TMEM170B: variants seen among roughly 807,000 people sequenced by gnomAD.
The protein encoded by TMEM170B is transmembrane protein 170B.
TMEM170B carries 6 observed loss-of-function variants against 13.0 expected under a neutral mutation model. That is an observed-to-expected ratio of 0.46 (90% confidence interval 0.25 to 0.91). The LOEUF is 0.91. Among genes scored for constraint, TMEM170B ranks in the 40% least tolerant of loss-of-function variants. The probability of loss-of-function intolerance (pLI) is 0.17; values close to 1 mark genes in which losing one functional copy is unlikely to be tolerated. For synonymous variants in TMEM170B, 61 were observed against 64.9 expected, an observed-to-expected ratio of 0.94 and a Z score of 0.29; for missense variants, 138 against 165.2, an observed-to-expected ratio of 0.84 and a Z score of 0.90.
intron 1 of TMEM170B, among the ~76,000 whole-genome samples, chr6:11,544,781 TC>T (rs770299566): frequency 3.9e-5 from 6 of 152,206 alleles, no homozygotes; most frequent in Non-Finnish European, 8.8e-5. Context: ...TTTAACTGTG[TC>T]AGTTATATGC....
In TMEM170B at chr6:11,566,590, C is replaced by G. The variant is rs6916829; in HGVS notation, c.268+754C>G. Among the ~76,000 whole-genome samples the G allele has an allele frequency of 3.3e-5, 5 of 152,246 alleles. No individual in the cohort carries two copies. In the East Asian group the frequency reaches 9.6e-4, roughly 29 times the overall value. On this transcript the variant is annotated intron_variant, in intron 2 of 2. Transcript: ENST00000379426. ...GAGGGGTGTAAGACAGAAAAAGACA[C>G]CAAGGCAAGCTTCAGAGCAGGAGTG...
chr6:11,559,112 A>G (rs1481729886), intron 1 of TMEM170B, among the ~76,000 whole-genome samples: 1 of 151,918 alleles, frequency 6.6e-6, no homozygotes, highest in Non-Finnish European at 1.5e-5. Flanking sequence ...TTCCAATAAA[A>G]CTTTATGAAC....
chr6:11,537,925 C>G lies in TMEM170B; in HGVS notation c.-353C>G, dbSNP rs1448466145. ...CGTGACCTCGGCCTCCTCGCGTGTC[C>G]AGTCCCCGCGGCGCGGCGCTGCCCC... On this transcript the variant is annotated 5_prime_UTR_variant, in exon 1 of 3. Transcript: ENST00000379426. Among the ~76,000 whole-genome samples the G allele has an allele frequency of 2.0e-5, 3 of 151,698 alleles. No homozygotes were observed. The highest frequency in any genetic ancestry group is 7.3e-5 in the African/African-American group (3 of 41,366).
intron 1 of TMEM170B, among the ~76,000 whole-genome samples, chr6:11,560,582 TAA>T (rs11404962): frequency 1.3e-3 from 171 of 135,658 alleles, no homozygotes; most frequent in African/African-American, 4.1e-3. Context: ...TGCTATCTCT[TAA>T]AAAAAAAAAA....
chr6:11,556,311 A>G (rs575347051), intron 1 of TMEM170B, among the ~76,000 whole-genome samples: 107 of 152,136 alleles, frequency 7.0e-4, no homozygotes, highest in Non-Finnish European at 2.6e-4. Flanking sequence ...CCTTCAGTGC[A>G]CTGCACGCTT....
At position 11,545,264 on chromosome 6, in the gene TMEM170B, TTC is replaced by T. The variant is rs368272768; in HGVS notation, c.97+6906_97+6907del. The stretch of plus-strand genomic sequence containing the variant: ...CAACCTGGAATGAAGGTTAAAAGGC[TTC>T]TCTCTCTCTCTCTCTGTGTGTGTGT... On this transcript the variant is annotated intron_variant, in intron 1 of 2. Coordinates refer to ENST00000379426, the MANE Select transcript of TMEM170B (RefSeq NM_001100829.3). Among the ~76,000 whole-genome samples, 36 of 127,846 alleles carry T rather than the reference TTC, an allele frequency of 2.8e-4. No homozygotes were observed. The Middle Eastern group carries it at 0.017, about 60-fold the overall frequency. 83.9% of individuals were successfully genotyped at this position (127,846 alleles called of 152,430 possible).
Position 11,579,030 on chromosome 6 carries a change from A to C in TMEM170B, c.*3469A>C, listed in dbSNP as rs1023130945. ...AGTAAGAAGTACAAGAATTACCAAG[A>C]TGGAATTCTTTACCTTGAGTACACC... On this transcript the variant is annotated 3_prime_UTR_variant, in exon 3 of 3. Coordinates refer to ENST00000379426, the MANE Select transcript of TMEM170B (RefSeq NM_001100829.3). The C allele has an allele frequency of 6.6e-6, 1 of 152,230 alleles. No individual in the cohort carries two copies. Among genetic ancestry groups the C allele is most frequent in the Non-Finnish European group, 1.5e-5 (1 of 68,036 alleles). 9.4% of individuals were successfully genotyped at this position (152,230 alleles called of 1,614,324 possible).
chr6:11,543,278 A>C (rs2113761213), intron 1 of TMEM170B, among the ~76,000 whole-genome samples: 1 of 152,302 alleles, frequency 6.6e-6, no homozygotes, highest in South Asian at 2.1e-4. Context: ...TGAATTTTTA[A>C]AATTTTAACA....
At chr6:11,557,872 T>C (rs11963496) in intron 1 of TMEM170B, among the ~76,000 whole-genome samples, 12,826 of 152,286 alleles carry the variant, frequency 0.084, 586 homozygotes, top group Middle Eastern at 0.13. Flanking sequence ...TTTATCTTTG[T>C]ACTCTTTAAA....
At chr6:11,567,348 A>G (rs1000057842) in intron 2 of TMEM170B, among the ~76,000 whole-genome samples, 1 of 152,248 alleles carries the variant, frequency 6.6e-6, no homozygotes, top group Admixed American at 6.5e-5. Context: ...TGTCAGGGGC[A>G]GCTCACTGCT....
chr6:11,567,569 A>G (rs1385931321), intron 2 of TMEM170B, among the ~76,000 whole-genome samples: 1 of 152,184 alleles, frequency 6.6e-6, no homozygotes, highest in Non-Finnish European at 1.5e-5. Context: ...ACAACCATAA[A>G]ATACTTGTGG....
intron 1 of TMEM170B, among the ~76,000 whole-genome samples, chr6:11,547,582 G>A (rs1271266377): frequency 2.0e-5 from 3 of 152,122 alleles, no homozygotes; most frequent in Non-Finnish European, 2.9e-5. Flanking sequence ...GTGCCAGTAT[G>A]ATATGGCCTT....
At position 11,575,501 on chromosome 6, in the gene TMEM170B, C is replaced by T. The variant is rs751000238; in HGVS notation, c.339C>T (p.Gly113=). The change falls in exon 3 of 3, where the codon GGC becomes GGT. Residue 113 remains glycine, a synonymous_variant. Transcript: ENST00000379426. This position sits in a 1 kb window ranked among gnomAD's most constrained non-coding sequence, Gnocchi z 4.1. The part of the protein sequence containing the change: ...NMAPLEALVW[G]VGQTVLTLII... ...CCCCTTTGGAAGCGCTGGTATGGGGCGTTGGACAGACTGTACTGACATTAA... is the reference window on the plus strand; with the variant it reads ...CCCCTTTGGAAGCGCTGGTATGGGGTGTTGGACAGACTGTACTGACATTAA... 56 of 1,613,252 alleles carry T rather than the reference C, an allele frequency of 3.5e-5. No individual in the cohort carries two copies. Among genetic ancestry groups the T allele is most frequent in the Middle Eastern group, 3.3e-4 (2 of 6,024 alleles).
chr6:11,570,961 G>A (rs757415636), intron 2 of TMEM170B, among the ~76,000 whole-genome samples: 3 of 152,154 alleles, frequency 2.0e-5, no homozygotes, highest in Non-Finnish European at 4.4e-5. Context: ...CTTTAAAAAT[G>A]TGAAAACTAT....
At chr6:11,574,682 C>T (rs1391085623) in intron 2 of TMEM170B, among the ~76,000 whole-genome samples, 1 of 152,142 alleles carries the variant, frequency 6.6e-6, no homozygotes, top group African/African-American at 2.4e-5. Context: ...TTAGATACCA[C>T]ATCATTATGG....
intron 1 of TMEM170B, among the ~76,000 whole-genome samples, chr6:11,544,079 A>G (rs976614134): frequency 6.6e-6 from 1 of 152,220 alleles, no homozygotes; most frequent in African/African-American, 2.4e-5. Context: ...ATTTAATGAC[A>G]GAGGCAGGAC....
intron 1 of TMEM170B, among the ~76,000 whole-genome samples, chr6:11,549,524 G>A (rs925645293): frequency 6.6e-6 from 1 of 152,020 alleles, no homozygotes; most frequent in South Asian, 2.1e-4. Flanking sequence ...TTAGCCAGGC[G>A]TAGTGGCGGG....
rs2113788246 is a variant in TMEM170B at position 11,577,915 on chromosome 6, A to C, written c.*2354A>C. The C allele has an allele frequency of 6.6e-6, 1 of 152,228 alleles. No individual in the cohort carries two copies. The allele number at this position is 152,228 out of a possible 1,614,324, so 9.4% of individuals were successfully genotyped here. On this transcript the variant is annotated 3_prime_UTR_variant, in exon 3 of 3. Coordinates refer to ENST00000379426, the MANE Select transcript of TMEM170B (RefSeq NM_001100829.3). ...TCTCTCTTTTGATGTTTTGAGATGC[A>C]GTTGAATAGTTTGAGTTTGTGAATT...
At chr6:11,551,210 A>G (rs1048011240) in intron 1 of TMEM170B, among the ~76,000 whole-genome samples, 6 of 152,280 alleles carry the variant, frequency 3.9e-5, no homozygotes, top group Middle Eastern at 3.4e-3. Flanking sequence ...TTTCAGAATG[A>G]GAGATCACAC....
Sources: allele counts gnomAD v4.1 joint callset (sites outside exome capture counted in the v4.1 genomes callset), GRCh38; gene constraint gnomAD v4.1.1; non-coding constraint Gnocchi (gnomAD v3.1); transcripts MANE v1.5; gene names NCBI Gene and HGNC (gene_info 2026-07-23, HGNC 2026-07-21).